Variants in RIMS1 observed in about 807,000 individuals in gnomAD.
RIMS1 encodes regulating synaptic membrane exocytosis protein 1.
RIMS1 carries 83 observed loss-of-function variants against 214.1 expected under a neutral mutation model. That is an observed-to-expected ratio of 0.39 (90% confidence interval 0.32 to 0.47). The LOEUF (loss-of-function observed/expected upper bound fraction) is 0.47. Among genes scored for constraint, RIMS1 ranks in the 20% least tolerant of loss-of-function variants. The pLI, the probability that RIMS1 is intolerant of heterozygous loss-of-function variation, is 0.99. For synonymous variants in RIMS1, 793 were observed against 786.8 expected (o/e 1.01, Z -0.13); for missense variants, 2,050 against 2,161.8 (o/e 0.95, Z 1.03).
At chr6:72,134,297 T>C (rs962177072) in intron 4 of RIMS1, among the ~76,000 whole-genome samples, 9 of 152,012 alleles carry the variant, frequency 5.9e-5, no homozygotes, top group Non-Finnish European at 8.8e-5. Context: ...TATTGTGATA[T>C]ATATTTATAC....
intron 5 of RIMS1, among the ~76,000 whole-genome samples, chr6:72,180,257 A>G (rs537327814): frequency 6.6e-6 from 1 of 152,214 alleles, no homozygotes; most frequent in Non-Finnish European, 1.5e-5. Flanking sequence ...AGAGGATGTG[A>G]TGGGGGAATC....
chr6:72,180,061 G>A (rs759898778), intron 5 of RIMS1, 146 bp downstream of exon 5: 86 of 511,908 alleles, frequency 1.7e-4, no homozygotes, highest in Admixed American at 2.1e-4. Context: ...CCTGAGGGGC[G>A]TTGTCTATCT....
chr6:72,078,369 A>G (rs1052750595), intron 2 of RIMS1, among the ~76,000 whole-genome samples: 8 of 152,162 alleles, frequency 5.3e-5, no homozygotes, highest in African/African-American at 1.9e-4. Context: ...CTTTGCCTGT[A>G]GTTAATCTGA....
At chr6:72,189,626 T>C (rs752394233) in intron 6 of RIMS1, among the ~76,000 whole-genome samples, 1 of 152,120 alleles carries the variant, frequency 6.6e-6, no homozygotes, top group South Asian at 2.1e-4. Flanking sequence ...AATGGTGCCA[T>C]ATTAAGGGCT....
Position 72,265,417 on chromosome 6 carries a change from C to T in RIMS1, c.3222C>T (p.Thr1074=), listed in dbSNP as rs746049224. ...YSSILPAHTK[T]KSVTRQDISL... ...CAATTCTGCCTGCACATACTAAGAC[C>T]AAATCAGTGACTAGACAGGACATTT... Residue 1074 remains threonine, a synonymous_variant, in exon 21 of 34, where the codon ACC becomes ACT. Transcript: ENST00000521978. 6.2e-7 allele frequency: 1 copy of T among 1,606,456 alleles called. No individual in the cohort carries two copies. The highest frequency in any genetic ancestry group is 8.5e-7 in the Non-Finnish European group (1 of 1,174,674).
intron 4 of RIMS1, among the ~76,000 whole-genome samples, chr6:72,146,465 T>C (rs1448756516): frequency 6.6e-6 from 1 of 152,220 alleles, no homozygotes; most frequent in African/African-American, 2.4e-5. Context: ...CTTAACCAGT[T>C]TGACCATGAG....
chr6:71,893,794 T>G (rs1213647783), intron 1 of RIMS1, among the ~76,000 whole-genome samples: 2 of 152,216 alleles, frequency 1.3e-5, no homozygotes, highest in Non-Finnish European at 2.9e-5. Flanking sequence ...CTGCTTCTGT[T>G]GCAATATTGT....
intron 1 of RIMS1, among the ~76,000 whole-genome samples, chr6:71,958,001 G>A (rs1011486117): frequency 5.9e-5 from 9 of 152,122 alleles, no homozygotes; most frequent in Admixed American, 1.3e-4. Flanking sequence ...GGGCAGAGCT[G>A]TATAAAGGCT....
chr6:72,371,398 T>G (rs977289389), intron 29 of RIMS1, among the ~76,000 whole-genome samples: 1 of 152,236 alleles, frequency 6.6e-6, no homozygotes, highest in Non-Finnish European at 1.5e-5. Context: ...TGCTAAGATG[T>G]GTAAGCAAAC....
At chr6:71,964,544 A>G (rs1219307734) in intron 1 of RIMS1, among the ~76,000 whole-genome samples, 1 of 152,206 alleles carries the variant, frequency 6.6e-6, no homozygotes, top group Non-Finnish European at 1.5e-5. Flanking sequence ...TAAATTTAGA[A>G]AATACGTCCA....
In RIMS1 at chr6:72,258,298, G is replaced by T. The variant is rs1228531144; in HGVS notation, c.2927+17G>T. On this transcript the variant is annotated intron_variant, in intron 17 of 33. Coordinates refer to ENST00000521978, the MANE Select transcript of RIMS1 (RefSeq NM_014989.7). ...ATTACAGAGGTAGGCTTTGAAATGG[G>T]CTCAGTGTCCCTGACAGTACATTTT... 2 of 1,609,876 alleles carry T rather than the reference G, an allele frequency of 1.2e-6. No individual in the cohort carries two copies. Among genetic ancestry groups the T allele is most frequent in the Non-Finnish European group, 1.7e-6 (2 of 1,177,164 alleles).
chr6:71,890,645 TAG>T (rs924460321), intron 1 of RIMS1, among the ~76,000 whole-genome samples: 2 of 142,448 alleles, frequency 1.4e-5, no homozygotes, highest in African/African-American at 2.6e-5. Flanking sequence ...AGAAAAAATG[TAG>T]AGAGTTAAGG....
rs1158636348 is a variant in RIMS1, at chr6:72,333,819, C to G, written c.4350C>G (p.Ser1450=). The G allele has an allele frequency of 6.3e-7, 1 of 1,582,106 alleles. No individual in the cohort carries two copies. The highest frequency in any genetic ancestry group is 8.6e-7 in the Non-Finnish European group (1 of 1,163,662). Reference sequence around the variant, plus strand: ...TGTCTCGAAGGAGTAGAAGCACATCCCAGCTTAGTCAAACAGGTGAGTGAT... The same window carrying G: ...TGTCTCGAAGGAGTAGAAGCACATCGCAGCTTAGTCAAACAGGTGAGTGAT... ...AIVSRRSRST[S]QLSQTESGHK... The change falls in exon 29 of 34, where the codon TCC becomes TCG. Residue 1450 remains serine (S), a synonymous_variant. Coordinates refer to ENST00000521978, the MANE Select transcript of RIMS1 (RefSeq NM_014989.7).
In RIMS1 at chr6:72,318,467, C is replaced by T. The variant is rs1479582784; in HGVS notation, c.4130+4795C>T. ...TAGGAAAAAAAATGACTGTCATATG[C>T]TTCGCTGTGCTACTATCCCTCCCCC... On this transcript the variant is annotated intron_variant, in intron 28 of 33. Coordinates refer to ENST00000521978, the MANE Select transcript of RIMS1 (RefSeq NM_014989.7). 2.6e-5 allele frequency among the ~76,000 whole-genome samples: 4 copies of T among 152,138 alleles called. No homozygotes were observed. In the South Asian group the frequency reaches 6.2e-4, roughly 24 times the overall value.
chr6:71,920,115 G>A (rs562047145), intron 1 of RIMS1, among the ~76,000 whole-genome samples: 1 of 152,264 alleles, frequency 6.6e-6, no homozygotes, highest in East Asian at 1.9e-4. Flanking sequence ...AACCCTAAAG[G>A]AATCAGTAAA....
At position 72,155,309 on chromosome 6, in the gene RIMS1, C is replaced by T. The variant is rs540693189; in HGVS notation, c.472-24266C>T. On this transcript the variant is annotated intron_variant, in intron 4 of 33. Coordinates refer to ENST00000521978, the MANE Select transcript of RIMS1 (RefSeq NM_014989.7). ...TAAAATCGAACGTCTTTAACAGCACCCAAGTTACCTCTTGAATGCTTTGCT... is the reference window on the plus strand; with the variant it reads ...TAAAATCGAACGTCTTTAACAGCACTCAAGTTACCTCTTGAATGCTTTGCT... Among the ~76,000 whole-genome samples, 7 of 140,188 alleles carry T rather than the reference C, an allele frequency of 5.0e-5. No individual in the cohort carries two copies. In the East Asian group the frequency reaches 1.4e-3, roughly 28 times the overall value. The allele number at this position is 140,188 out of a possible 152,430, so 92.0% of individuals were successfully genotyped here. A position where few individuals can be genotyped will look rare whatever the true frequency, so the allele number is the denominator to read the frequency against.
At chr6:72,120,691 C>T (rs2038090620) in intron 4 of RIMS1, among the ~76,000 whole-genome samples, 6 of 151,204 alleles carry the variant, frequency 4.0e-5, no homozygotes, top group Admixed American at 2.0e-4. Flanking sequence ...CTTTTGTTGC[C>T]ATTGCTTTTG....
In RIMS1 at chr6:71,973,920, AGT is replaced by A. The variant is rs956534724; in HGVS notation, c.245+4858_245+4859del. Among the ~76,000 whole-genome samples, 368 of 152,184 alleles carry A rather than the reference AGT, an allele frequency of 2.4e-3. 7 individuals carry two copies. The highest frequency in any genetic ancestry group is 0.019 in the Admixed American group (290 of 15,274). On this transcript the variant is annotated intron_variant, in intron 2 of 33. Coordinates refer to ENST00000521978, the MANE Select transcript of RIMS1 (RefSeq NM_014989.7). ...TTACCCACGCAGGTTTTCCTCATGGAGTTCTAATTGGTCAGTGTAGATAGAGC... is the reference window on the plus strand; with the variant it reads ...TTACCCACGCAGGTTTTCCTCATGGATCTAATTGGTCAGTGTAGATAGAGC...
At position 71,911,008 on chromosome 6, in the gene RIMS1, A is replaced by G. The variant is rs892055867; in HGVS notation, c.164+23821A>G. Among the ~76,000 whole-genome samples the G allele has an allele frequency of 2.0e-5, 3 of 152,140 alleles. No individual in the cohort carries two copies. The East Asian group carries it at 5.8e-4, about 29-fold the overall frequency. ...AGGGTGAAGGTTATAGAGGAGTCAA[A>G]TCTAATTTAGGCATTAGGTTCTAAA... On this transcript the variant is annotated intron_variant, in intron 1 of 33. Coordinates refer to ENST00000521978, the MANE Select transcript of RIMS1 (RefSeq NM_014989.7).
Sources: gnomAD v4.1 joint callset for allele counts (sites outside exome capture counted in the v4.1 genomes callset) on GRCh38, gnomAD v4.1.1 for gene constraint, MANE v1.5 for transcripts, NCBI Gene and HGNC (gene_info 2026-07-23, HGNC 2026-07-21) for gene names.